SCLT1: variants seen among roughly 807,000 people sequenced by gnomAD.
The protein encoded by SCLT1 is sodium channel-associated protein 1.
A neutral mutation model predicts 112.8 loss-of-function variants in SCLT1; 78 were observed. The observed-to-expected ratio is 0.69, with a 90% confidence interval of 0.58 to 0.83. The LOEUF (loss-of-function observed/expected upper bound fraction) is 0.83, where lower values mean the gene tolerates loss of function less well. Among genes scored for constraint, SCLT1 ranks in the 40% least tolerant of loss-of-function variants. The pLI, the probability that SCLT1 is intolerant of heterozygous loss-of-function variation, is 0.00. For missense variants in SCLT1, 747 were observed against 770.4 expected (o/e 0.97, Z 0.36); for synonymous variants, 257 against 254.7 (o/e 1.01, Z -0.09).
In SCLT1 at chr4:129,052,054, G is replaced by A. The variant is rs186947225; in HGVS notation, c.103-8003C>T. Among the ~76,000 whole-genome samples the A allele has an allele frequency of 5.7e-4, 87 of 152,230 alleles. 1 individual carries two copies. The highest frequency in any genetic ancestry group is 8.5e-4 in the Non-Finnish European group (58 of 68,030). On this transcript the variant is annotated intron_variant, in intron 2 of 20. Coordinates refer to ENST00000281142, the MANE Select transcript of SCLT1 (RefSeq NM_144643.4). ...TTATTGATTTGCATATGTTAAACCCGCCTTGCATCCAAGGGATGAAGCTGA... is the reference window on the plus strand; with the variant it reads ...TTATTGATTTGCATATGTTAAACCCACCTTGCATCCAAGGGATGAAGCTGA...
intron 2 of SCLT1, among the ~76,000 whole-genome samples, chr4:129,059,611 G>A (rs1561032882): frequency 6.6e-6 from 1 of 152,250 alleles, no homozygotes; most frequent in South Asian, 2.1e-4. Context: ...ATTTCTGAAG[G>A]AGAGTGTTGC....
intron 2 of SCLT1, among the ~76,000 whole-genome samples, chr4:129,078,788 G>A (rs1029939156): frequency 1.3e-5 from 2 of 152,104 alleles, no homozygotes; most frequent in African/African-American, 4.8e-5. Context: ...TTCTGCATTA[G>A]TCCATTCTTG....
chr4:128,878,526 C>T (rs1732570660), intron 3 of SCLT1, among the ~76,000 whole-genome samples: 1 of 152,100 alleles, frequency 6.6e-6, no homozygotes, highest in South Asian at 2.1e-4. Flanking sequence ...TGGAGCTTCT[C>T]TTTTTTATAT....
At chr4:128,945,277 A>G (rs1456316473) in intron 16 of SCLT1, among the ~76,000 whole-genome samples, 1 of 152,174 alleles carries the variant, frequency 6.6e-6, no homozygotes, top group African/African-American at 2.4e-5. Context: ...GGTATTGGGA[A>G]AAGCCTTCAT....
chr4:128,970,576 TA>T, intron 9 of SCLT1, 108 bp from the exon 10 acceptor site: 1 of 657,460 alleles, frequency 1.5e-6, no homozygotes, highest in Non-Finnish European at 2.7e-6. Flanking sequence ...CTTGTTTATC[TA>T]AAATGGATCC....
chr4:128,928,387 A>T (rs1481773324), intron 18 of SCLT1, among the ~76,000 whole-genome samples: 1 of 152,156 alleles, frequency 6.6e-6, no homozygotes, highest in East Asian at 1.9e-4. Flanking sequence ...CAAATCCAGA[A>T]ATATATATAA....
At chr4:128,883,437 AG>A (rs1328250923), downstream of SCLT1, among the ~76,000 whole-genome samples, 2 of 152,142 alleles carry the variant, frequency 1.3e-5, no homozygotes, top group East Asian at 3.9e-4. Flanking sequence ...GGACAGCATT[AG>A]GAGAAATACC....
Position 128,923,749 on chromosome 4 carries a change from G to C in SCLT1, c.1829+12906C>G, listed in dbSNP as rs552034136. On this transcript the variant is annotated intron_variant, in intron 18 of 20. Transcript: ENST00000281142. Reference sequence around the variant, plus strand: ...CCATGCACCTGGTGATGTACATTTGGGTTCTCATTTTCAGCCATTATAAAT... The same window carrying C: ...CCATGCACCTGGTGATGTACATTTGCGTTCTCATTTTCAGCCATTATAAAT... Among the ~76,000 whole-genome samples the C allele has an allele frequency of 3.3e-5, 5 of 151,752 alleles. No individual in the cohort carries two copies. In the East Asian group the frequency reaches 9.7e-4, roughly 29 times the overall value.
At chr4:129,026,115 C>A (rs1009238207) in intron 5 of SCLT1, among the ~76,000 whole-genome samples, 1 of 151,938 alleles carries the variant, frequency 6.6e-6, no homozygotes, top group Non-Finnish European at 1.5e-5. Flanking sequence ...ACTTTAACAC[C>A]CCACTGTCAA....
chr4:128,988,882 A>C (rs1462825703), intron 9 of SCLT1, among the ~76,000 whole-genome samples: 3 of 151,978 alleles, frequency 2.0e-5, no homozygotes, highest in Non-Finnish European at 2.9e-5. Context: ...AAGAGAGTCA[A>C]AAATGTTATT....
intron 17 of SCLT1, among the ~76,000 whole-genome samples, chr4:128,940,011 CTCTTAA>C (rs1400757463): frequency 5.9e-5 from 9 of 152,148 alleles, no homozygotes; most frequent in African/African-American, 9.6e-5. Context: ...AATGGCTATT[CTCTTAA>C]GCTAGATACA....
At chr4:129,046,832 C>T (rs1363000314) in intron 2 of SCLT1, among the ~76,000 whole-genome samples, 1 of 152,102 alleles carries the variant, frequency 6.6e-6, no homozygotes, top group East Asian at 1.9e-4. Flanking sequence ...ACACTTGGAA[C>T]TATGCTTTTC....
intron 18 of SCLT1, among the ~76,000 whole-genome samples, chr4:128,901,640 G>A (rs1033862149): frequency 6.6e-6 from 1 of 150,854 alleles, no homozygotes; most frequent in Admixed American, 6.6e-5. Flanking sequence ...CCTGCACGTT[G>A]TACACATGTA....
chr4:129,063,633 T>C (rs1295452128), intron 2 of SCLT1, among the ~76,000 whole-genome samples: 1 of 152,108 alleles, frequency 6.6e-6, no homozygotes, highest in African/African-American at 2.4e-5. Flanking sequence ...GCTGGTGTGG[T>C]GGTACACCAC....
rs555347644 is a variant in SCLT1 at position 129,043,656 on chromosome 4, T to C, written c.162-189A>G. On this transcript the variant is annotated intron_variant, in intron 3 of 20. Transcript: ENST00000281142. ...TAATATTTTGGACTGAAAAATTCTT[T>C]GTTGTGGGATGGCTAGACTGTGCAA... Among the ~76,000 whole-genome samples the C allele has an allele frequency of 2.4e-4, 37 of 152,342 alleles. No homozygotes were observed. In the South Asian group the frequency reaches 7.7e-3, roughly 32 times the overall value.
intron 2 of SCLT1, among the ~76,000 whole-genome samples, chr4:129,067,844 T>C (rs914468734): frequency 6.6e-6 from 1 of 151,934 alleles, no homozygotes; most frequent in Non-Finnish European, 1.5e-5. Context: ...TTTTTTTTTT[T>C]TAAATGTTAT....
At chr4:128,890,344 C>T (rs1475005651) in intron 19 of SCLT1, among the ~76,000 whole-genome samples, 1 of 152,018 alleles carries the variant, frequency 6.6e-6, no homozygotes, top group Non-Finnish European at 1.5e-5. Flanking sequence ...TTTTAAATTA[C>T]TCATTAGAAT....
chr4:129,043,528 C>T (rs1442548532), intron 3 of SCLT1, 61 bp from the exon 4 acceptor site: 1 of 721,894 alleles, frequency 1.4e-6, no homozygotes, highest in African/African-American at 1.9e-5. Context: ...AAATATATAA[C>T]AAGTGAAATA....
intron 19 of SCLT1, 40 bp downstream of exon 19, chr4:128,891,019 C>T (rs745822577): frequency 7.2e-7 from 1 of 1,388,986 alleles, no homozygotes; most frequent in South Asian, 1.2e-5. Flanking sequence ...GTGTATCATG[C>T]TGCAGCAGAA....
Sources: allele counts gnomAD v4.1 joint callset (sites outside exome capture counted in the v4.1 genomes callset), GRCh38; gene constraint gnomAD v4.1.1; transcripts MANE v1.5; gene names NCBI Gene and HGNC (gene_info 2026-07-23, HGNC 2026-07-21).